The following ATXN7 variants were observed in gnomAD, a reference collection of about 807,000 sequenced individuals.
ATXN7 encodes the protein ataxin-7.
ATXN7 carries 12 observed loss-of-function variants against 70.5 expected under a neutral mutation model. The ratio of observed to expected loss-of-function variants is 0.17; its 90% CI spans 0.11 to 0.28. The LOEUF is 0.28. Ranked by LOEUF, ATXN7 falls within the 10% of genes least tolerant of loss-of-function variation. The pLI is 1.00. For synonymous variants in ATXN7, 498 were observed against 448.7 expected (o/e 1.11, Z -1.39); for missense variants, 1,256 against 1,131.7 (o/e 1.11, Z -1.58).
intron 5 of ATXN7, among the ~76,000 whole-genome samples, chr3:63,956,661 G>T (rs1172358542): frequency 6.6e-6 from 1 of 152,030 alleles, no homozygotes; most frequent in Admixed American, 6.6e-5. Flanking sequence ...ACACTGGCTG[G>T]CTGGAATGCA....
chr3:63,911,942 G>C (rs1335632431), intron 2 of ATXN7: 2 of 152,446 alleles, frequency 1.3e-5, no homozygotes, highest in African/African-American at 4.8e-5. Flanking sequence ...CCCTGGGGCC[G>C]GCCGGCCGGC....
At chr3:63,893,916 C>T (rs1295534344) in intron 1 of ATXN7, among the ~76,000 whole-genome samples, 1 of 152,162 alleles carries the variant, frequency 6.6e-6, no homozygotes, top group Non-Finnish European at 1.5e-5. Context: ...CAAGGTGGAA[C>T]TGGGGTCCAA....
chr3:63,951,459 T>C (rs189232273), intron 4 of ATXN7, among the ~76,000 whole-genome samples: 1 of 152,354 alleles, frequency 6.6e-6, no homozygotes, highest in East Asian at 1.9e-4. Context: ...AAACTTTTGC[T>C]TAAATTGAAG....
At chr3:63,936,379 G>C (rs557603746) in intron 4 of ATXN7, among the ~76,000 whole-genome samples, 1 of 152,206 alleles carries the variant, frequency 6.6e-6, no homozygotes, top group South Asian at 2.1e-4. Context: ...CCTCCATGTG[G>C]TGTCTGTGAA....
chr3:64,002,625 TA>T lies in ATXN7; in HGVS notation c.*3163del. 1 of 152,356 alleles carries T rather than the reference TA, an allele frequency of 6.6e-6. No homozygotes were observed. The highest frequency in any genetic ancestry group is 2.1e-4 in the South Asian group (1 of 4,830). The allele number at this position is 152,356 out of a possible 1,614,324, so 9.4% of individuals were successfully genotyped here. A position where few individuals can be genotyped will look rare whatever the true frequency, so the allele number is the denominator to read the frequency against. ...GTTTTAAGCTTAGACAGAATCTCTT[TA>T]AAAAGACTTGAATGTTCAGTTGAAC... is the stretch of plus-strand genomic sequence containing the variant. On this transcript the variant is annotated 3_prime_UTR_variant, in exon 13 of 13. Transcript: ENST00000674280.
intron 1 of ATXN7, among the ~76,000 whole-genome samples, chr3:63,895,787 C>G (rs527369601): frequency 1.3e-5 from 2 of 152,042 alleles, no homozygotes; most frequent in East Asian, 3.9e-4. Context: ...TTCTCTGTCT[C>G]TCTCTCTCTC....
At chr3:63,989,540 G>C (rs2075634014) in intron 9 of ATXN7, among the ~76,000 whole-genome samples, 1 of 151,456 alleles carries the variant, frequency 6.6e-6, no homozygotes, top group African/African-American at 2.4e-5. Flanking sequence ...GAAAAATTGT[G>C]TCGTACTGAA....
intron 12 of ATXN7, among the ~76,000 whole-genome samples, chr3:63,996,872 C>G (rs1267243769): frequency 6.6e-6 from 1 of 152,188 alleles, no homozygotes; most frequent in African/African-American, 2.4e-5. Flanking sequence ...AGGAAGGAAG[C>G]AGGCATTGTT....
At chr3:63,883,973 A>G (rs564719759) in intron 1 of ATXN7, among the ~76,000 whole-genome samples, 68 of 152,182 alleles carry the variant, frequency 4.5e-4, no homozygotes, top group South Asian at 2.1e-3. Context: ...CCTTTTTGTG[A>G]TTTATTATTT....
intron 4 of ATXN7, among the ~76,000 whole-genome samples, chr3:63,938,712 T>A (rs1024622658): frequency 5.9e-5 from 9 of 152,100 alleles, no homozygotes; most frequent in Non-Finnish European, 1.0e-4. Flanking sequence ...AGTGAAGGAG[T>A]CTGATTGATT....
intron 4 of ATXN7, among the ~76,000 whole-genome samples, chr3:63,937,252 A>C (rs2074679201): frequency 2.0e-5 from 3 of 152,356 alleles, no homozygotes; most frequent in Admixed American, 1.3e-4. Context: ...AATAGACCAA[A>C]GGCTTAGTAG....
intron 5 of ATXN7, among the ~76,000 whole-genome samples, chr3:63,959,312 T>C (rs2075086174): frequency 6.6e-6 from 1 of 152,206 alleles, no homozygotes; most frequent in South Asian, 2.1e-4. Context: ...CTCTTTTGCT[T>C]GGAAGACTTG....
At chr3:63,867,738 A>G (rs952043955) in intron 1 of ATXN7, among the ~76,000 whole-genome samples, 1 of 152,040 alleles carries the variant, frequency 6.6e-6, no homozygotes, top group Non-Finnish European at 1.5e-5. Flanking sequence ...AAATACAAAA[A>G]AAATTATCTA....
chr3:63,952,581 C>A, intron 5 of ATXN7, 98 bp downstream of exon 5: 1 of 669,592 alleles, frequency 1.5e-6, no homozygotes, highest in Non-Finnish European at 2.3e-6. Context: ...ACATAATGTC[C>A]CTCCCCCACC....
At position 63,913,241 on chromosome 3, in the gene ATXN7, C is replaced by T. The variant is rs536175509; in HGVS notation, c.394+16C>T. 7.4e-6 allele frequency: 12 copies of T among 1,612,214 alleles called. No homozygotes were observed. The East Asian group carries it at 2.0e-4, about 27-fold the overall frequency. On this transcript the variant is annotated intron_variant, in intron 4 of 12. Transcript: ENST00000674280. ...TGTCGGGAAGGTGAGTCCAGCCCCC[C>T]TGATGGAGTTTGTACAAACCCCTGG...
At position 63,995,510 on chromosome 3, in the gene ATXN7, T is replaced by C; in HGVS notation, c.1688T>C (p.Ile563Thr). 3.1e-6 allele frequency: 5 copies of C among 1,613,656 alleles called. No homozygotes were observed. The highest frequency in any genetic ancestry group is 4.2e-6 in the Non-Finnish European group (5 of 1,179,728). Residue 563 changes from isoleucine to threonine, a missense_variant, in exon 12 of 13, where the codon ATC (isoleucine) becomes ACC (threonine). Coordinates refer to ENST00000674280, the MANE Select transcript of ATXN7 (RefSeq NM_001377405.1). ...KHLNAQLWKK[I>T]PPVPSTTSPI... ...TGTCCTCTAATTTTTTTCAGGAAAA[T>C]CCCACCAGTGCCCAGTACCACCTCA...
chr3:63,902,905 T>A (rs2107273051), intron 2 of ATXN7, among the ~76,000 whole-genome samples: 1 of 152,298 alleles, frequency 6.6e-6, no homozygotes, highest in African/African-American at 2.4e-5. Context: ...AATATAAAAC[T>A]ATGTTGATAA....
intron 5 of ATXN7, among the ~76,000 whole-genome samples, chr3:63,965,719 G>A (rs941563013): frequency 2.6e-5 from 4 of 152,064 alleles, no homozygotes; most frequent in Non-Finnish European, 4.4e-5. Context: ...ATAGGATATC[G>A]AGAAACGGTT....
intron 3 of ATXN7, 27 bp downstream of exon 3, chr3:63,912,950 T>G: frequency 6.0e-5 from 69 of 1,141,736 alleles, no homozygotes; most frequent in East Asian, 5.1e-4. Context: ...TCCTCCCCCC[T>G]TCACCCCCTC....
Sources: allele counts gnomAD v4.1 joint callset (sites outside exome capture counted in the v4.1 genomes callset), GRCh38; gene constraint gnomAD v4.1.1; transcripts MANE v1.5; gene names NCBI Gene and HGNC (gene_info 2026-07-23, HGNC 2026-07-21).